The following TIMM23 variants were observed in gnomAD, a reference collection of about 807,000 sequenced individuals.
TIMM23 encodes translocase of inner mitochondrial membrane 23.
A neutral mutation model predicts 30.7 loss-of-function variants in TIMM23; 19 were observed. The ratio of observed to expected loss-of-function variants is 0.62; its 90% CI spans 0.43 to 0.91. The LOEUF (loss-of-function observed/expected upper bound fraction) is 0.91. Among genes scored for constraint, TIMM23 ranks in the 40% least tolerant of loss-of-function variants. The pLI is 0.00. For missense variants in TIMM23, 202 were observed against 269.2 expected (o/e 0.75, Z 1.75); for synonymous variants, 78 against 98.5 (o/e 0.79, Z 1.23).
At chr10:45,983,849 TCCTC>T (rs1366992409) in intron 4 of TIMM23, among the ~76,000 whole-genome samples, 1 of 152,130 alleles carries the variant, frequency 6.6e-6, no homozygotes, top group Non-Finnish European at 1.5e-5. Flanking sequence ...GCTCAAGTGA[TCCTC>T]CCACCTCAGC....
intron 6 of TIMM23, among the ~76,000 whole-genome samples, chr10:45,997,949 A>G (rs1025363634): frequency 9.2e-5 from 14 of 152,170 alleles, no homozygotes; most frequent in African/African-American, 3.4e-4. Context: ...AAAAGAATAA[A>G]GTTTTTTTAA....
Position 45,977,869 on chromosome 10 carries a change from T to C in TIMM23, c.165+2357T>C, listed in dbSNP as rs1395870656. ...CAACATGGTGAAACCCCATCTCTAC[T>C]AAAAAACAAAAATTAGCCAGGCGTG... On this transcript the variant is annotated intron_variant, in intron 2 of 6. Coordinates refer to ENST00000580018, the MANE Select transcript of TIMM23 (RefSeq NM_006327.4). 4.2e-3 allele frequency among the ~76,000 whole-genome samples: 636 copies of C among 150,646 alleles called. 2 individuals carry two copies. The highest frequency in any genetic ancestry group is 8.1e-3 in the Admixed American group (122 of 15,144).
chr10:46,001,268 A>G (rs1554917644), intron 6 of TIMM23, among the ~76,000 whole-genome samples: 1 of 152,234 alleles, frequency 6.6e-6, no homozygotes, highest in Non-Finnish European at 1.5e-5. Flanking sequence ...GCAAGTTCAC[A>G]AAGAGATGAT....
chr10:45,973,955 T>C (rs1470681629), intron 1 of TIMM23, among the ~76,000 whole-genome samples: 1 of 152,118 alleles, frequency 6.6e-6, no homozygotes, highest in African/African-American at 2.4e-5. Context: ...CTTTACCTGT[T>C]TAGAACACAG....
chr10:45,993,016 A>G (rs1239590137), intron 6 of TIMM23, among the ~76,000 whole-genome samples: 3 of 152,110 alleles, frequency 2.0e-5, no homozygotes, highest in African/African-American at 7.2e-5. Context: ...CCAGATACCT[A>G]CCTCAAATGC....
chr10:45,998,341 T>G, intron 6 of TIMM23: 1 of 983,204 alleles, frequency 1.0e-6, no homozygotes, highest in African/African-American at 1.7e-5. Flanking sequence ...ATAGAAGAGG[T>G]GGTGCTTGCC....
At chr10:45,998,032 TC>T (rs1166484428) in intron 6 of TIMM23, among the ~76,000 whole-genome samples, 2 of 152,172 alleles carry the variant, frequency 1.3e-5, no homozygotes, top group Admixed American at 6.5e-5. Flanking sequence ...GTAAGGCTGT[TC>T]CTATAGAACA....
chr10:45,994,306 T>G (rs2132275299), intron 6 of TIMM23, among the ~76,000 whole-genome samples: 1 of 151,710 alleles, frequency 6.6e-6, no homozygotes, highest in East Asian at 1.9e-4. Context: ...GCCACTGCAC[T>G]CCAGCCTGGG....
intron 4 of TIMM23, chr10:45,984,491 ATTT>A: frequency 6.6e-6 from 1 of 152,462 alleles, no homozygotes; most frequent in East Asian, 1.9e-4. Flanking sequence ...AACATTACTG[ATTT>A]TTTAAAACAA....
chr10:45,979,105 T>C (rs1837763160), intron 2 of TIMM23, among the ~76,000 whole-genome samples: 1 of 152,184 alleles, frequency 6.6e-6, no homozygotes, highest in African/African-American at 2.4e-5. Flanking sequence ...GAAAGTAGAT[T>C]AGTAGCTGCC....
intron 1 of TIMM23, among the ~76,000 whole-genome samples, chr10:45,974,857 T>G: frequency 6.6e-6 from 1 of 152,116 alleles, no homozygotes; most frequent in East Asian, 1.9e-4. Flanking sequence ...ATGATAGGTT[T>G]TACTGTTTTC....
intron 6 of TIMM23, among the ~76,000 whole-genome samples, chr10:45,993,243 A>AATTTTTTTTTTTT (rs1838221633): frequency 3.1e-5 from 1 of 31,774 alleles, no homozygotes; most frequent in Non-Finnish European, 5.9e-5. Context: ...ATCTACCATC[A>AATTTTTTTTTTTT]CTTTTTTTTT....
chr10:45,986,441 G>C (rs1293068314), intron 5 of TIMM23, among the ~76,000 whole-genome samples: 1 of 137,380 alleles, frequency 7.3e-6, no homozygotes. Flanking sequence ...CACAGTCCTG[G>C]ACAAACTAGA....
intron 4 of TIMM23, 133 bp from the exon 5 acceptor site, chr10:45,985,250 T>A (rs1837960053): frequency 1.4e-6 from 1 of 733,332 alleles, no homozygotes; most frequent in Admixed American, 2.8e-5. Context: ...ATCGGAGATA[T>A]TAAGATGTAT....
Position 46,003,697 on chromosome 10 carries a change from A to C in TIMM23, c.*379A>C, listed in dbSNP as rs1838632324. ...AACTGTAATGTTGCACTGTATTCCA[A>C]ATAAAGGGTAAAAACAGAACCAAAG... On this transcript the variant is annotated 3_prime_UTR_variant, in exon 7 of 7. Coordinates refer to ENST00000580018, the MANE Select transcript of TIMM23 (RefSeq NM_006327.4). The C allele has an allele frequency of 6.3e-6, 1 of 158,670 alleles. No individual in the cohort carries two copies. The highest frequency in any genetic ancestry group is 1.4e-5 in the Non-Finnish European group (1 of 72,332). 9.8% of individuals were successfully genotyped at this position (158,670 alleles called of 1,614,324 possible).
intron 2 of TIMM23, among the ~76,000 whole-genome samples, chr10:45,980,310 G>A (rs1222663465): frequency 7.9e-5 from 12 of 151,040 alleles, no homozygotes; most frequent in Non-Finnish European, 1.5e-4. Flanking sequence ...TGTTGTCCAG[G>A]CTGGTCTGGA....
intron 6 of TIMM23, among the ~76,000 whole-genome samples, chr10:45,996,733 C>T (rs1413778278): frequency 6.6e-6 from 1 of 152,008 alleles, no homozygotes; most frequent in East Asian, 1.9e-4. Flanking sequence ...TGTCTATAAT[C>T]CCAGCACTTT....
At chr10:45,996,319 A>G (rs1230312789) in intron 6 of TIMM23, among the ~76,000 whole-genome samples, 3 of 145,842 alleles carry the variant, frequency 2.1e-5, no homozygotes, top group Admixed American at 2.0e-4. Context: ...CCGAGATTAC[A>G]CCACTGCACT....
chr10:45,988,718 A>G lies in TIMM23; in HGVS notation c.404-19A>G. ...CTTTATCACTGTTTTGTCACTGAGC[A>G]CTTCCATTTCCTCTTTAGCTTTGCT... is the stretch of plus-strand genomic sequence containing the variant. On this transcript the variant is annotated intron_variant, in intron 5 of 6. Coordinates refer to ENST00000580018, the MANE Select transcript of TIMM23 (RefSeq NM_006327.4). The G allele has an allele frequency of 1.2e-6, 2 of 1,613,058 alleles. No individual in the cohort carries two copies. The highest frequency in any genetic ancestry group is 2.2e-5 in the South Asian group (2 of 91,068).
Sources: allele counts gnomAD v4.1 joint callset (sites outside exome capture counted in the v4.1 genomes callset), GRCh38; gene constraint gnomAD v4.1.1; transcripts MANE v1.5; gene names NCBI Gene and HGNC (gene_info 2026-07-23, HGNC 2026-07-21).